Variants in PTPRT observed in about 807,000 individuals in gnomAD.
The protein encoded by PTPRT is receptor-type tyrosine-protein phosphatase T.
A neutral mutation model predicts 176.8 loss-of-function variants in PTPRT; 56 were observed. The ratio of observed to expected loss-of-function variants is 0.32; its 90% CI spans 0.26 to 0.40. The LOEUF is 0.40. Among genes scored for constraint, PTPRT ranks in the 10% least tolerant of loss-of-function variants. The pLI is 1.00. For synonymous variants in PTPRT, 783 were observed against 739.0 expected, an observed-to-expected ratio of 1.06 and a Z score of -0.96; for missense variants, 1,540 against 1,908.2, an observed-to-expected ratio of 0.81 and a Z score of 3.60.
At chr20:43,151,375 A>G (rs1366030324) in intron 1 of PTPRT, among the ~76,000 whole-genome samples, 2 of 151,252 alleles carry the variant, frequency 1.3e-5, no homozygotes, top group Non-Finnish European at 2.9e-5. Flanking sequence ...AGCTTCTAAT[A>G]AAGAGAGTTA....
chr20:42,533,230 A>G (rs934051011), intron 7 of PTPRT, among the ~76,000 whole-genome samples: 2 of 152,162 alleles, frequency 1.3e-5, no homozygotes, highest in African/African-American at 2.4e-5. Context: ...TCACCAGCCT[A>G]ATTTGATTCT....
In PTPRT at chr20:42,762,217, G is replaced by C. The variant is rs534280659; in HGVS notation, c.685-5581C>G. On this transcript the variant is annotated intron_variant, in intron 5 of 30. Transcript: ENST00000373187. ...GCATACCTGGTATACTATTAGGTTGGGGTGAGGTTTCCTTATCCCCACTCT... is the reference window on the plus strand; with the variant it reads ...GCATACCTGGTATACTATTAGGTTGCGGTGAGGTTTCCTTATCCCCACTCT... 6.4e-4 allele frequency among the ~76,000 whole-genome samples: 98 copies of C among 152,152 alleles called. 2 individuals are homozygous for C. The highest frequency in any genetic ancestry group is 6.4e-3 in the Admixed American group (97 of 15,268).
intron 16 of PTPRT, among the ~76,000 whole-genome samples, chr20:42,196,082 T>C (rs1021635394): frequency 2.0e-5 from 3 of 152,178 alleles, no homozygotes; most frequent in Non-Finnish European, 2.9e-5. Flanking sequence ...AATTTCAGGG[T>C]CACAATGATT....
chr20:43,185,907 G>A (rs923390589), intron 1 of PTPRT, among the ~76,000 whole-genome samples: 1 of 150,778 alleles, frequency 6.6e-6, no homozygotes, highest in Admixed American at 6.7e-5. Context: ...ACTCCAGCCT[G>A]GGCAACAGAG....
At chr20:42,866,934 T>C (rs1306003865) in intron 2 of PTPRT, among the ~76,000 whole-genome samples, 1 of 152,212 alleles carries the variant, frequency 6.6e-6, no homozygotes, top group African/African-American at 2.4e-5. Flanking sequence ...AAAAGAAAGA[T>C]GACAAGTATA....
chr20:42,729,684 C>T (rs888514619), intron 6 of PTPRT, among the ~76,000 whole-genome samples: 3 of 152,198 alleles, frequency 2.0e-5, no homozygotes, highest in Admixed American at 2.0e-4. Context: ...TGGTCCCTGG[C>T]TGTGAGACAC....
At chr20:42,305,442 C>T (rs1226809338) in intron 12 of PTPRT, among the ~76,000 whole-genome samples, 1 of 151,336 alleles carries the variant, frequency 6.6e-6, no homozygotes, top group Non-Finnish European at 1.5e-5. Flanking sequence ...TATATGCATG[C>T]TAAAATATTT....
At chr20:42,504,962 T>A (rs1293031979) in intron 7 of PTPRT, among the ~76,000 whole-genome samples, 2 of 152,136 alleles carry the variant, frequency 1.3e-5, no homozygotes, top group African/African-American at 4.8e-5. Flanking sequence ...GCAAATAGCC[T>A]CCATTCGATA....
intron 1 of PTPRT, among the ~76,000 whole-genome samples, chr20:43,030,313 G>C (rs1986089323): frequency 1.3e-5 from 2 of 152,198 alleles, no homozygotes; most frequent in Admixed American, 1.3e-4. Context: ...CCATTGCTCT[G>C]TCTTCTCTAT....
Position 43,189,770 on chromosome 20 carries a change from G to A in PTPRT, c.-37C>T. 1 of 1,107,452 alleles carries A rather than the reference G, an allele frequency of 9.0e-7. No individual in the cohort carries two copies. Among genetic ancestry groups the A allele is most frequent in the Non-Finnish European group, 1.1e-6 (1 of 905,436 alleles). The allele number at this position is 1,107,452 out of a possible 1,614,324, so 68.6% of individuals were successfully genotyped here. A position where few individuals can be genotyped will look rare whatever the true frequency, so the allele number is the denominator to read the frequency against. ...CGGGCAGCTCAGCCCCTTCCCGCGG[G>A]GGCCGGGGCCGGGACTGGGGCGGGC... is the stretch of plus-strand genomic sequence containing the variant. On this transcript the variant is annotated 5_prime_UTR_variant, in exon 1 of 31. Coordinates refer to ENST00000373187, the MANE Select transcript of PTPRT (RefSeq NM_007050.6). The surrounding 1 kb of genome is among the most constrained non-coding windows in gnomAD (Gnocchi z 5.0).
At chr20:42,392,545 G>A (rs928671474) in intron 9 of PTPRT, among the ~76,000 whole-genome samples, 1 of 152,238 alleles carries the variant, frequency 6.6e-6, no homozygotes, top group Non-Finnish European at 1.5e-5. Flanking sequence ...CTTGGCATAG[G>A]AAGAAGTGAG....
At position 42,549,828 on chromosome 20, in the gene PTPRT, A is replaced by G. The variant is rs143456157; in HGVS notation, c.1154-77266T>C. On this transcript the variant is annotated intron_variant, in intron 7 of 30. Transcript: ENST00000373187. ...TCAGACACACCTAGGGCATCTCAACACTACTGTGGAAAATCGTGGTAGTGG... is the reference window on the plus strand; with the variant it reads ...TCAGACACACCTAGGGCATCTCAACGCTACTGTGGAAAATCGTGGTAGTGG... Among the ~76,000 whole-genome samples the G allele has an allele frequency of 3.4e-3, 516 of 152,064 alleles. 6 individuals are homozygous for G. The highest frequency in any genetic ancestry group is 0.012 in the African/African-American group (497 of 41,518).
Position 43,120,279 on chromosome 20 carries a change from T to TG in PTPRT, c.88+69366_88+69367insC, listed in dbSNP as rs2013210866. Among the ~76,000 whole-genome samples the TG allele has an allele frequency of 2.7e-5, 4 of 149,892 alleles. No homozygotes were observed. The South Asian group carries it at 6.4e-4, about 24-fold the overall frequency. ...TGTCCCTACCACTTCCAGATCCAGT[T>TG]TTTTTTTTTTTAAATGGAGTCTCAC... On this transcript the variant is annotated intron_variant, in intron 1 of 30. Transcript: ENST00000373187.
chr20:42,839,715 C>T (rs934034194), intron 2 of PTPRT, among the ~76,000 whole-genome samples: 1 of 152,146 alleles, frequency 6.6e-6, no homozygotes, highest in South Asian at 2.1e-4. Flanking sequence ...TCTGGAGGGT[C>T]GTGAAAGCCA....
intron 12 of PTPRT, among the ~76,000 whole-genome samples, chr20:42,293,907 T>C (rs2057351944): frequency 6.6e-6 from 1 of 152,068 alleles, no homozygotes; most frequent in Non-Finnish European, 1.5e-5. Context: ...GTTGAAGAAA[T>C]TGGTAACTAT....
At chr20:42,873,338 T>C (rs2078876332) in intron 2 of PTPRT, among the ~76,000 whole-genome samples, 1 of 152,204 alleles carries the variant, frequency 6.6e-6, no homozygotes, top group South Asian at 2.1e-4. Context: ...TTACCTACAC[T>C]GCATAGGGTT....
intron 9 of PTPRT, among the ~76,000 whole-genome samples, chr20:42,398,949 T>C (rs2058877913): frequency 6.6e-6 from 1 of 152,230 alleles, no homozygotes. Flanking sequence ...CAGTTGGTCC[T>C]GACTGTTGGT....
chr20:43,042,353 T>A (rs961680782), intron 1 of PTPRT, among the ~76,000 whole-genome samples: 1 of 142,442 alleles, frequency 7.0e-6, no homozygotes, highest in Admixed American at 7.1e-5. Context: ...GATAATTTAC[T>A]AACCAGGCAG....
At chr20:42,171,821 C>T (rs927783323) in intron 16 of PTPRT, among the ~76,000 whole-genome samples, 11 of 152,120 alleles carry the variant, frequency 7.2e-5, no homozygotes, top group African/African-American at 2.4e-4. Flanking sequence ...ACTGTCCTGA[C>T]AAGCAAATGA....
Sources: gnomAD v4.1 joint callset for allele counts (sites outside exome capture counted in the v4.1 genomes callset) on GRCh38, gnomAD v4.1.1 for gene constraint, Gnocchi (gnomAD v3.1) non-coding constraint, MANE v1.5 for transcripts, NCBI Gene and HGNC (gene_info 2026-07-23, HGNC 2026-07-21) for gene names.